The following MPP7 variants were observed in gnomAD, a reference collection of about 807,000 sequenced individuals.
MPP7 encodes the protein MAGUK p55 subfamily member 7.
MPP7 carries 60 observed loss-of-function variants against 76.5 expected under a neutral mutation model. The observed-to-expected ratio is 0.78, with a 90% confidence interval of 0.64 to 0.97. MPP7 has a LOEUF of 0.97. MPP7 is among the 50% of genes least tolerant of loss of function. MPP7 has a pLI of 0.00. For missense variants in MPP7, 641 were observed against 694.0 expected, an observed-to-expected ratio of 0.92 and a Z score of 0.86; for synonymous variants, 237 against 244.5, an observed-to-expected ratio of 0.97 and a Z score of 0.29.
Position 28,149,966 on chromosome 10 carries a change from G to A in MPP7, c.234+16C>T, listed in dbSNP as rs200706079. 49 of 1,607,530 alleles carry A rather than the reference G, an allele frequency of 3.0e-5. No individual in the cohort carries two copies. The highest frequency in any genetic ancestry group is 5.3e-5 in the African/African-American group (4 of 74,826). Reference sequence around the variant, plus strand: ...GCAGCAGACACATCCCAGTGAGCTCGGAGAGTCACACTTACATCATCGGCC... The same window carrying A: ...GCAGCAGACACATCCCAGTGAGCTCAGAGAGTCACACTTACATCATCGGCC... On this transcript the variant is annotated intron_variant, in intron 4 of 16. Coordinates refer to ENST00000683449, the MANE Select transcript of MPP7 (RefSeq NM_001318170.2).
intron 1 of MPP7, among the ~76,000 whole-genome samples, chr10:28,270,086 C>T (rs1840272861): frequency 6.6e-6 from 1 of 152,172 alleles, no homozygotes; most frequent in South Asian, 2.1e-4. Flanking sequence ...TACGGCTTCA[C>T]ATGCAATGAC....
At chr10:28,170,810 G>A (rs1836655157) in intron 3 of MPP7, among the ~76,000 whole-genome samples, 1 of 151,930 alleles carries the variant, frequency 6.6e-6, no homozygotes. Flanking sequence ...CCCATTCAAT[G>A]TTCATTCATA....
At chr10:28,057,978 A>G (rs1851629592) in intron 15 of MPP7, 6 of 756,856 alleles carry the variant, frequency 7.9e-6, no homozygotes, top group Admixed American at 4.6e-5. Flanking sequence ...CCAGGATGAC[A>G]GGTGCAGACA....
rs552945531 is a variant in MPP7, at chr10:28,255,607, A to C, written c.-131-16872T>G. Among the ~76,000 whole-genome samples the C allele has an allele frequency of 4.6e-5, 7 of 151,646 alleles. No homozygotes were observed. In the South Asian group the frequency reaches 1.5e-3, roughly 32 times the overall value. ...TTTTTAGTAGAGTCAGGGTTTCAACATGTTAGCCAGGATGGTCTCAATCTC... is the reference window on the plus strand; with the variant it reads ...TTTTTAGTAGAGTCAGGGTTTCAACCTGTTAGCCAGGATGGTCTCAATCTC... On this transcript the variant is annotated intron_variant, in intron 1 of 16. Transcript: ENST00000683449.
chr10:28,243,947 T>C (rs539696323), intron 1 of MPP7, among the ~76,000 whole-genome samples: 2 of 152,362 alleles, frequency 1.3e-5, no homozygotes, highest in Admixed American at 1.3e-4. Context: ...TCAAAACTCT[T>C]TAGAGCCTTC....
At chr10:28,230,213 T>C (rs578066519) in intron 2 of MPP7, among the ~76,000 whole-genome samples, 4 of 151,920 alleles carry the variant, frequency 2.6e-5, no homozygotes, top group Admixed American at 2.0e-4. Flanking sequence ...ATATAAGTAA[T>C]AGAAAGAAAG....
chr10:28,239,916 A>G, intron 1 of MPP7, among the ~76,000 whole-genome samples: 1 of 152,212 alleles, frequency 6.6e-6, no homozygotes, highest in East Asian at 1.9e-4. Flanking sequence ...GCAGTGTCTG[A>G]CACATGGTAA....
At chr10:28,085,105 T>C (rs1852941106) in intron 12 of MPP7, among the ~76,000 whole-genome samples, 1 of 152,170 alleles carries the variant, frequency 6.6e-6, no homozygotes, top group Non-Finnish European at 1.5e-5. Context: ...AAAAGTAAGA[T>C]ATTTAGATCC....
intron 5 of MPP7, among the ~76,000 whole-genome samples, chr10:28,146,073 T>C (rs546194949): frequency 6.6e-6 from 1 of 152,326 alleles, no homozygotes; most frequent in South Asian, 2.1e-4. Context: ...TAACAAGATA[T>C]TCATAGCTAA....
intron 2 of MPP7, among the ~76,000 whole-genome samples, chr10:28,211,840 A>C (rs1355458481): frequency 6.6e-6 from 1 of 152,106 alleles, no homozygotes; most frequent in African/African-American, 2.4e-5. Context: ...ATGGGAGCCC[A>C]GATCACACAG....
chr10:28,265,572 C>CA (rs1405025915), intron 1 of MPP7, among the ~76,000 whole-genome samples: 3 of 151,916 alleles, frequency 2.0e-5, no homozygotes, highest in African/African-American at 7.2e-5. Context: ...ACCCCACCCC[C>CA]AAAAAATGCC....
chr10:28,273,966 A>T (rs560197464), intron 1 of MPP7, among the ~76,000 whole-genome samples: 62 of 151,966 alleles, frequency 4.1e-4, no homozygotes, highest in African/African-American at 1.3e-3. Flanking sequence ...TCTCTAAAAC[A>T]AAACAAACAA....
chr10:28,095,604 C>T lies in MPP7; in HGVS notation c.953-5763G>A, dbSNP rs144510522. 1.1e-4 allele frequency among the ~76,000 whole-genome samples: 17 copies of T among 152,226 alleles called. No individual in the cohort carries two copies. The East Asian group carries it at 3.1e-3, about 28-fold the overall frequency. On this transcript the variant is annotated intron_variant, in intron 11 of 16. Transcript: ENST00000683449. ...AAGGGAGTTAATCGTTTCTTGCCTT[C>T]AGATCTTACTTCTCGTATTAAAAGG... is the stretch of plus-strand genomic sequence containing the variant.
intron 2 of MPP7, among the ~76,000 whole-genome samples, chr10:28,318,752 GCC>G (rs1016390223): frequency 2.0e-5 from 3 of 152,160 alleles, no homozygotes; most frequent in Admixed American, 1.3e-4. Flanking sequence ...ACATAGCCCT[GCC>G]CTTCTAGTTG....
intron 12 of MPP7, 123 bp downstream of exon 12, chr10:28,089,548 G>A (rs1050109993): frequency 2.4e-6 from 2 of 833,116 alleles, no homozygotes; most frequent in African/African-American, 1.7e-5. Context: ...TCAGAGACAA[G>A]ACAAAAGGTG....
At chr10:28,277,921 C>T (rs942583049) in intron 1 of MPP7, among the ~76,000 whole-genome samples, 2 of 151,982 alleles carry the variant, frequency 1.3e-5, no homozygotes, top group African/African-American at 4.8e-5. Context: ...AAAAGGAATC[C>T]ATGAAAAAGT....
chr10:28,184,311 C>T (rs1201200636), intron 3 of MPP7, among the ~76,000 whole-genome samples: 1 of 147,604 alleles, frequency 6.8e-6, no homozygotes, highest in Non-Finnish European at 1.5e-5. Flanking sequence ...TATATTTATA[C>T]ATTAAAATAT....
chr10:28,057,991 G>A, intron 15 of MPP7: 2 of 639,502 alleles, frequency 3.1e-6, no homozygotes, highest in South Asian at 2.1e-5. Context: ...TGCAGACATG[G>A]CAGTTGCAAT....
intron 1 of MPP7, among the ~76,000 whole-genome samples, chr10:28,302,644 G>GGCGGCCCCGCCCCTGCC (rs1564766975): frequency 6.6e-6 from 1 of 152,012 alleles, no homozygotes; most frequent in East Asian, 1.9e-4. Flanking sequence ...TCCCGCCCGA[G>GGCGGCCCCGCCCCTGCC]GCGGCCCCGC....
Sources: allele counts gnomAD v4.1 joint callset (sites outside exome capture counted in the v4.1 genomes callset), GRCh38; gene constraint gnomAD v4.1.1; transcripts MANE v1.5; gene names NCBI Gene and HGNC (gene_info 2026-07-23, HGNC 2026-07-21).